Variants in AHRR observed in about 807,000 individuals in gnomAD.
AHRR encodes the protein aryl hydrocarbon receptor repressor, also known as ahR repressor.
AHRR carries 28 observed loss-of-function variants against 44.0 expected under a neutral mutation model. The observed-to-expected ratio is 0.64, with a 90% CI of 0.47 to 0.87. AHRR has a LOEUF of 0.87. AHRR is among the 40% of genes least tolerant of loss of function. The pLI is 0.00. For missense variants in AHRR, 990 were observed against 953.9 expected (o/e 1.04, Z -0.50); for synonymous variants, 434 against 407.0 (o/e 1.07, Z -0.80).
chr5:375,674 T>C (rs1743755771), intron 3 of AHRR, among the ~76,000 whole-genome samples: 1 of 152,218 alleles, frequency 6.6e-6, no homozygotes, highest in Non-Finnish European at 1.5e-5. Context: ...GAGCAGCAGA[T>C]GCCCCCCCGG....
chr5:427,591 G>C (rs1401881637), intron 7 of AHRR: 5 of 1,607,320 alleles, frequency 3.1e-6, no homozygotes, highest in Non-Finnish European at 3.4e-6. Context: ...AACTGGGAGT[G>C]GGGGATGGTT....
rs1741733856 is a variant in AHRR, at chr5:326,955, A to G, written c.-11+5136A>G. On this transcript the variant is annotated intron_variant, in intron 1 of 10. Coordinates refer to ENST00000684583, the MANE Select transcript of AHRR (RefSeq NM_001377236.1). This position sits in a 1 kb window ranked among gnomAD's most constrained non-coding sequence, Gnocchi z 4.1. ...GCGCCTGTAGTCCCAGCTACTCAGG[A>G]GGCTGAGGCAGGAGAATCTCTTGAA... Among the ~76,000 whole-genome samples, 1 of 152,158 alleles carries G rather than the reference A, an allele frequency of 6.6e-6. No individual in the cohort carries two copies. The highest frequency in any genetic ancestry group is 6.5e-5 in the Admixed American group (1 of 15,268).
At position 421,920 on chromosome 5, in the gene AHRR, C is replaced by T. The variant is rs78752698; in HGVS notation, c.442-809C>T. ...AGGAAGAACCACTTGGTTATTATCACGATAATAAATGCCATTTAGAATTAG... is the reference window on the plus strand; with the variant it reads ...AGGAAGAACCACTTGGTTATTATCATGATAATAAATGCCATTTAGAATTAG... On this transcript the variant is annotated intron_variant, in intron 5 of 10. Coordinates refer to ENST00000684583, the MANE Select transcript of AHRR (RefSeq NM_001377236.1). 5.5e-3 allele frequency among the ~76,000 whole-genome samples: 844 copies of T among 152,306 alleles called. 5 individuals are homozygous for T. Among genetic ancestry groups the T allele is most frequent in the African/African-American group, 0.019 (802 of 41,566 alleles).
chr5:414,521 A>C (rs1355860636), intron 5 of AHRR, among the ~76,000 whole-genome samples: 1 of 152,120 alleles, frequency 6.6e-6, no homozygotes, highest in Non-Finnish European at 1.5e-5. Context: ...ACTCCCACAA[A>C]AATACCCGCC....
At chr5:361,499 G>A (rs1743184689) in intron 3 of AHRR, among the ~76,000 whole-genome samples, 1 of 152,228 alleles carries the variant, frequency 6.6e-6, no homozygotes, top group African/African-American at 2.4e-5. Context: ...GTAACCAGGT[G>A]CCACTTCCAC....
intron 4 of AHRR, among the ~76,000 whole-genome samples, chr5:382,436 C>T (rs923365241): frequency 4.6e-5 from 7 of 152,154 alleles, no homozygotes; most frequent in African/African-American, 1.2e-4. Flanking sequence ...TTTGTGATAT[C>T]AGAGTTGTTC....
Position 437,831 on chromosome 5 carries a change from G to T in AHRR, c.*2997G>T, listed in dbSNP as rs978182765. 3.9e-5 allele frequency: 6 copies of T among 152,330 alleles called. No homozygotes were observed. Among genetic ancestry groups the T allele is most frequent in the African/African-American group, 1.4e-4 (6 of 41,434 alleles). 9.4% of individuals were successfully genotyped at this position (152,330 alleles called of 1,614,324 possible). On this transcript the variant is annotated 3_prime_UTR_variant, in exon 11 of 11. Coordinates refer to ENST00000684583, the MANE Select transcript of AHRR (RefSeq NM_001377236.1). ...GGTGTCCGACATCCCTTCCTCAACG[G>T]CAACAAAAACTCCCCAAGTCAGCAC... is the stretch of plus-strand genomic sequence containing the variant.
At chr5:350,365 G>T (rs889595187) in intron 2 of AHRR, among the ~76,000 whole-genome samples, 1 of 152,212 alleles carries the variant, frequency 6.6e-6, no homozygotes, top group African/African-American at 2.4e-5. Context: ...GCCTGAGCTG[G>T]CTTGGTGCAC....
rs974403562 is a variant in AHRR, at chr5:405,725, C to T, written c.352-7619C>T. ...CCACCAGCTCCTCCGCTCTCTCCAT[C>T]GGTCGTAACATCTTACTGCTCCCCT... On this transcript the variant is annotated intron_variant, in intron 4 of 10. Transcript: ENST00000684583. This position sits in a 1 kb window ranked among gnomAD's most constrained non-coding sequence, Gnocchi z 4.5. Among the ~76,000 whole-genome samples, 6 of 152,256 alleles carry T rather than the reference C, an allele frequency of 3.9e-5. No homozygotes were observed. The highest frequency in any genetic ancestry group is 2.1e-4 in the South Asian group (1 of 4,832).
rs1206884603 is a variant in AHRR at position 437,876 on chromosome 5, C to T, written c.*3042C>T. On this transcript the variant is annotated 3_prime_UTR_variant, in exon 11 of 11. Coordinates refer to ENST00000684583, the MANE Select transcript of AHRR (RefSeq NM_001377236.1). ...CAGCACTTTGGTTATTTTATAGCCA[C>T]AACCCTCTTGGAAAACAGTGGGGAA... The T allele has an allele frequency of 6.6e-6, 1 of 152,370 alleles. No individual in the cohort carries two copies. Among genetic ancestry groups the T allele is most frequent in the Admixed American group, 6.5e-5 (1 of 15,288 alleles). The allele number at this position is 152,370 out of a possible 1,614,324, so 9.4% of individuals were successfully genotyped here.
At chr5:376,782 T>C (rs1195509545) in intron 4 of AHRR, 66 bp downstream of exon 4, 1 of 1,366,770 alleles carries the variant, frequency 7.3e-7, no homozygotes, top group East Asian at 2.5e-5. Context: ...GTGTTCAGGC[T>C]CAGTCATACT....
intron 2 of AHRR, among the ~76,000 whole-genome samples, chr5:346,827 A>G (rs1742694493): frequency 2.0e-5 from 3 of 152,232 alleles, no homozygotes; most frequent in African/African-American, 7.2e-5. Flanking sequence ...AACACGCGGA[A>G]GCTCACGTAG....
chr5:413,545 C>A, intron 5 of AHRR, 112 bp downstream of exon 5: 2 of 793,762 alleles, frequency 2.5e-6, no homozygotes, highest in Non-Finnish European at 4.1e-6. Flanking sequence ...CTTTTCCTAT[C>A]ACTGAGCTCT....
At position 419,685 on chromosome 5, in the gene AHRR, T is replaced by C. The variant is rs1735981656; in HGVS notation, c.442-3044T>C. Among the ~76,000 whole-genome samples the C allele has an allele frequency of 6.6e-6, 1 of 152,156 alleles. No homozygotes were observed. Among genetic ancestry groups the C allele is most frequent in the Non-Finnish European group, 1.5e-5 (1 of 68,026 alleles). Reference sequence around the variant, plus strand: ...GCCCTCCATGGTGCCCGGCTCTTACTGCACAGGGACCAACAGGCCGGCCCA... The same window carrying C: ...GCCCTCCATGGTGCCCGGCTCTTACCGCACAGGGACCAACAGGCCGGCCCA... On this transcript the variant is annotated intron_variant, in intron 5 of 10. Transcript: ENST00000684583. This position sits in a 1 kb window ranked among gnomAD's most constrained non-coding sequence, Gnocchi z 4.4.
chr5:411,576 A>C lies in AHRR; in HGVS notation c.352-1768A>C, dbSNP rs1735468552. On this transcript the variant is annotated intron_variant, in intron 4 of 10. Coordinates refer to ENST00000684583, the MANE Select transcript of AHRR (RefSeq NM_001377236.1). The surrounding 1 kb of genome is among the most constrained non-coding windows in gnomAD (Gnocchi z 4.2). Reference sequence around the variant, plus strand: ...AGAAATACAAGTTACCAGTGAATGCAGGAAATGTTTTTCAATGTCATTAGT... The same window carrying C: ...AGAAATACAAGTTACCAGTGAATGCCGGAAATGTTTTTCAATGTCATTAGT... Among the ~76,000 whole-genome samples the C allele has an allele frequency of 6.6e-6, 1 of 152,216 alleles. No individual in the cohort carries two copies. Among genetic ancestry groups the C allele is most frequent in the Admixed American group, 6.5e-5 (1 of 15,278 alleles).
chr5:392,541 G>C (rs1450976518), intron 4 of AHRR, among the ~76,000 whole-genome samples: 2 of 152,196 alleles, frequency 1.3e-5, no homozygotes, highest in African/African-American at 2.4e-5. Context: ...CAGGCCTAAA[G>C]ACGGTGTCTG....
At chr5:381,252 G>A (rs1733969692) in intron 4 of AHRR, among the ~76,000 whole-genome samples, 1 of 152,216 alleles carries the variant, frequency 6.6e-6, no homozygotes, top group Admixed American at 6.5e-5. Context: ...TCCACCAGCT[G>A]TCTAGGCATC....
chr5:420,947 G>T, intron 5 of AHRR: 1 of 174,638 alleles, frequency 5.7e-6, no homozygotes, highest in Non-Finnish European at 1.0e-5. Flanking sequence ...CACCCACACA[G>T]GCGCACATAC....
At chr5:384,431 T>G (rs939411064) in intron 4 of AHRR, among the ~76,000 whole-genome samples, 4 of 152,308 alleles carry the variant, frequency 2.6e-5, no homozygotes, top group African/African-American at 7.2e-5. Flanking sequence ...CCAGACAATA[T>G]AATTTTTTTG....
Sources: gnomAD v4.1 joint callset for allele counts (sites outside exome capture counted in the v4.1 genomes callset) on GRCh38, gnomAD v4.1.1 for gene constraint, Gnocchi (gnomAD v3.1) non-coding constraint, MANE v1.5 for transcripts, NCBI Gene and HGNC (gene_info 2026-07-23, HGNC 2026-07-21) for gene names.